TRDN: variants seen among roughly 807,000 people sequenced by gnomAD.
The protein encoded by TRDN is triadin in skeletal muscle.
Under a neutral mutation model 149.7 loss-of-function variants are expected in TRDN, and 161 were observed. That is an observed-to-expected ratio of 1.08 (90% confidence interval 0.95 to 1.23). TRDN has a LOEUF of 1.23. Among genes scored for constraint, TRDN ranks in the 50% most tolerant of loss-of-function variants. The probability of loss-of-function intolerance (pLI) is 0.00; values close to 1 mark genes in which losing one functional copy is unlikely to be tolerated. For missense variants in TRDN, 896 were observed against 823.5 expected (o/e 1.09, Z -1.08); for synonymous variants, 294 against 250.5 (o/e 1.17, Z -1.64).
chr6:123,338,766 T>A (rs906774654), intron 21 of TRDN, among the ~76,000 whole-genome samples: 1 of 152,174 alleles, frequency 6.6e-6, no homozygotes, highest in Non-Finnish European at 1.5e-5. Context: ...TGAAATGGCC[T>A]GTATGTAGAA....
rs139970355 is a variant in TRDN at position 123,596,002 on chromosome 6, G to A, written c.23-24870C>T. Among the ~76,000 whole-genome samples, 461 of 152,186 alleles carry A rather than the reference G, an allele frequency of 3.0e-3. 4 individuals are homozygous for A. The highest frequency in any genetic ancestry group is 0.011 in the African/African-American group (450 of 41,554). ...CTTCTTTTAAATCAAAAGCTACAAT[G>A]ATTAAGCTTAGTGAGGAAGCCATGT... is the stretch of plus-strand genomic sequence containing the variant. On this transcript the variant is annotated intron_variant, in intron 1 of 40. Coordinates refer to ENST00000334268, the MANE Select transcript of TRDN (RefSeq NM_006073.4).
intron 38 of TRDN, among the ~76,000 whole-genome samples, chr6:123,236,358 T>C (rs1240198594): frequency 6.6e-6 from 1 of 152,204 alleles, no homozygotes; most frequent in East Asian, 1.9e-4. Flanking sequence ...TAAAATTAAT[T>C]TTAACTAACA....
intron 1 of TRDN, among the ~76,000 whole-genome samples, chr6:123,571,681 C>A (rs1448555590): frequency 6.6e-6 from 1 of 151,590 alleles, no homozygotes; most frequent in Non-Finnish European, 1.5e-5. Context: ...ATCTCACCAC[C>A]CAGAAATAAC....
At chr6:123,358,401 C>T (rs1461302283) in intron 20 of TRDN, among the ~76,000 whole-genome samples, 2 of 152,024 alleles carry the variant, frequency 1.3e-5, no homozygotes, top group African/African-American at 4.8e-5. Flanking sequence ...CAATTGACAT[C>T]CCTCCCTTTT....
chr6:123,580,926 TTTC>T, intron 1 of TRDN, among the ~76,000 whole-genome samples: 1 of 152,146 alleles, frequency 6.6e-6, no homozygotes, highest in Admixed American at 6.6e-5. Context: ...CTAGAATTCA[TTTC>T]TTAATTTAAT....
intron 1 of TRDN, among the ~76,000 whole-genome samples, chr6:123,627,704 G>A (rs553391392): frequency 6.6e-6 from 1 of 152,260 alleles, no homozygotes; most frequent in Admixed American, 6.5e-5. Flanking sequence ...TCTTCTAATA[G>A]AGGACTGTTT....
At chr6:123,472,742 G>C (rs1777244966) in intron 9 of TRDN, among the ~76,000 whole-genome samples, 1 of 152,170 alleles carries the variant, frequency 6.6e-6, no homozygotes, top group Non-Finnish European at 1.5e-5. Flanking sequence ...TCTGAGAACG[G>C]GCAGAGAACG....
At chr6:123,630,091 C>G (rs1040495246) in intron 1 of TRDN, among the ~76,000 whole-genome samples, 2 of 151,946 alleles carry the variant, frequency 1.3e-5, no homozygotes, top group Non-Finnish European at 2.9e-5. Context: ...AAAATGGAGC[C>G]TGAACTCCGT....
chr6:123,464,802 A>G, intron 10 of TRDN, 104 bp downstream of exon 10: 1 of 1,503,934 alleles, frequency 6.6e-7, no homozygotes. Context: ...ATTTAAGAAA[A>G]TATTGGATTT....
At chr6:123,404,085 CAA>C (rs1369274249) in intron 12 of TRDN, among the ~76,000 whole-genome samples, 1 of 152,118 alleles carries the variant, frequency 6.6e-6, no homozygotes, top group African/African-American at 2.4e-5. Flanking sequence ...AAATCTCTAA[CAA>C]AGACAGATAA....
chr6:123,254,738 T>C (rs2114575762), intron 37 of TRDN, among the ~76,000 whole-genome samples: 1 of 152,146 alleles, frequency 6.6e-6, no homozygotes, highest in South Asian at 2.1e-4. Context: ...TATTTAGTGA[T>C]AGATAAAAAT....
intron 12 of TRDN, among the ~76,000 whole-genome samples, chr6:123,427,728 T>A (rs1274421505): frequency 1.3e-5 from 2 of 152,160 alleles, no homozygotes; most frequent in Non-Finnish European, 2.9e-5. Context: ...ATATTACACA[T>A]CCACATTTCT....
At chr6:123,392,123 G>A (rs1163359377) in intron 13 of TRDN, among the ~76,000 whole-genome samples, 2 of 151,820 alleles carry the variant, frequency 1.3e-5, no homozygotes, top group African/African-American at 2.4e-5. Context: ...TTCCTTCCAA[G>A]GATAATTCTA....
At chr6:123,577,857 T>C (rs775823606) in intron 1 of TRDN, among the ~76,000 whole-genome samples, 9 of 152,200 alleles carry the variant, frequency 5.9e-5, no homozygotes, top group Non-Finnish European at 1.0e-4. Context: ...TATCTCATTG[T>C]AGTTTTCATT....
At chr6:123,522,533 T>A (rs913282544) in intron 5 of TRDN, among the ~76,000 whole-genome samples, 1 of 148,872 alleles carries the variant, frequency 6.7e-6, no homozygotes, top group South Asian at 2.1e-4. Context: ...TTTTTTTTTT[T>A]TTTTTTGCAT....
intron 12 of TRDN, among the ~76,000 whole-genome samples, chr6:123,400,560 C>T (rs1772924400): frequency 6.6e-6 from 1 of 152,122 alleles, no homozygotes; most frequent in Admixed American, 6.5e-5. Flanking sequence ...GGAGATGGAG[C>T]TCAGGCTGTA....
chr6:123,580,283 A>C (rs1414626353), intron 1 of TRDN, among the ~76,000 whole-genome samples: 1 of 152,166 alleles, frequency 6.6e-6, no homozygotes, highest in Non-Finnish European at 1.5e-5. Context: ...AGTAAATTGA[A>C]TTTAAAGGTG....
chr6:123,528,682 T>C, intron 5 of TRDN: 4 of 987,890 alleles, frequency 4.0e-6, no homozygotes, highest in Non-Finnish European at 4.8e-6. Flanking sequence ...CAAGAGCAGT[T>C]GTAAAGCAAA....
At chr6:123,433,162 A>AAT (rs1554236915) in intron 12 of TRDN, among the ~76,000 whole-genome samples, 110 of 80,020 alleles carry the variant, frequency 1.4e-3, no homozygotes, top group African/African-American at 2.4e-3. Context: ...ATATATATAT[A>AAT]ATATATATAT....
Sources: gnomAD v4.1 joint callset for allele counts (sites outside exome capture counted in the v4.1 genomes callset) on GRCh38, gnomAD v4.1.1 for gene constraint, MANE v1.5 for transcripts, NCBI Gene and HGNC (gene_info 2026-07-23, HGNC 2026-07-21) for gene names.